Variants in UNC5D observed in about 807,000 individuals in gnomAD.
UNC5D encodes the protein unc-5 netrin receptor D, also known as netrin receptor UNC5D.
Under a neutral mutation model 105.4 loss-of-function variants are expected in UNC5D, and 39 were observed. The ratio of observed to expected loss-of-function variants is 0.37; its 90% CI spans 0.29 to 0.48. The LOEUF is 0.48. Ranked by LOEUF, UNC5D falls within the 20% of genes least tolerant of loss-of-function variation. The pLI, the probability that UNC5D is intolerant of heterozygous loss-of-function variation, is 0.98. For missense variants in UNC5D, 991 were observed against 1,202.4 expected (o/e 0.82, Z 2.60); for synonymous variants, 452 against 450.4 (o/e 1.00, Z -0.04).
intron 7 of UNC5D, among the ~76,000 whole-genome samples, chr8:35,700,544 AATC>A (rs1321211664): frequency 3.9e-5 from 6 of 152,216 alleles, no homozygotes; most frequent in African/African-American, 1.4e-4. Context: ...CAAATGGAGT[AATC>A]ACCAGAGATT....
chr8:35,595,592 G>A lies in UNC5D; in HGVS notation c.505G>A (p.Glu169Lys). ...CTTTGAACAAGACCCACAAGGAAGGGAAGTTCCCATTGAAGGCATGATTGT... is the reference window on the plus strand; with the variant it reads ...CTTTGAACAAGACCCACAAGGAAGGAAAGTTCCCATTGAAGGCATGATTGT... The part of the protein sequence containing the change: ...KNFEQDPQGR[E>K]VPIEGMIVLH... The change falls in exon 4 of 17, where the codon GAA (glutamate) becomes AAA (lysine). Residue 169 changes from glutamate to lysine, a missense_variant. By Grantham distance (56) the Glu-to-Lys change is moderately conservative. Transcript: ENST00000404895. 6.2e-7 allele frequency: 1 copy of A among 1,614,112 alleles called. No homozygotes were observed. Among genetic ancestry groups the A allele is most frequent in the Non-Finnish European group, 8.5e-7 (1 of 1,179,982 alleles).
chr8:35,255,602 T>C (rs1416484933), intron 1 of UNC5D: 2 of 152,206 alleles, frequency 1.3e-5, no homozygotes. Context: ...TAGATTTGTC[T>C]CAGCATCAGA....
chr8:35,733,985 A>ATT (rs796178732), intron 11 of UNC5D, among the ~76,000 whole-genome samples: 4 of 148,290 alleles, frequency 2.7e-5, no homozygotes, highest in African/African-American at 7.4e-5. Flanking sequence ...AAACCCAGTG[A>ATT]TTTTTTTTTT....
intron 1 of UNC5D, among the ~76,000 whole-genome samples, chr8:35,363,176 G>A (rs929348748): frequency 6.6e-6 from 1 of 152,054 alleles, no homozygotes; most frequent in Non-Finnish European, 1.5e-5. Flanking sequence ...CCCGAGACTG[G>A]GCAATTTAGA....
intron 8 of UNC5D, among the ~76,000 whole-genome samples, chr8:35,715,496 G>A (rs1563697759): frequency 6.6e-6 from 1 of 152,140 alleles, no homozygotes; most frequent in Non-Finnish European, 1.5e-5. Context: ...ACAGTACAGT[G>A]TTAACTGATT....
At chr8:35,317,593 G>A (rs1052511372) in intron 1 of UNC5D, among the ~76,000 whole-genome samples, 37 of 152,020 alleles carry the variant, frequency 2.4e-4, no homozygotes, top group Non-Finnish European at 3.7e-4. Flanking sequence ...ACAATGAGAC[G>A]TGATAATCAG....
At chr8:35,784,135 G>GAT (rs1370701762) in intron 16 of UNC5D, among the ~76,000 whole-genome samples, 1 of 152,092 alleles carries the variant, frequency 6.6e-6, no homozygotes, top group Non-Finnish European at 1.5e-5. Flanking sequence ...TGAAGCCAAG[G>GAT]GATGGTGATA....
chr8:35,506,047 TG>T (rs1286142632), intron 1 of UNC5D, among the ~76,000 whole-genome samples: 2 of 152,212 alleles, frequency 1.3e-5, no homozygotes, highest in Non-Finnish European at 2.9e-5. Context: ...AAGCTTGAAG[TG>T]GTGGGAAAAA....
intron 1 of UNC5D, among the ~76,000 whole-genome samples, chr8:35,517,067 G>A (rs920306232): frequency 2.0e-5 from 3 of 152,146 alleles, no homozygotes; most frequent in African/African-American, 7.2e-5. Flanking sequence ...AGTTTTTAAA[G>A]CACTGATTGA....
chr8:35,451,937 A>G (rs772755307), intron 1 of UNC5D, among the ~76,000 whole-genome samples: 33 of 152,112 alleles, frequency 2.2e-4, no homozygotes, highest in Non-Finnish European at 4.7e-4. Context: ...GAAGCCCCTA[A>G]CACTTCCTCT....
intron 4 of UNC5D, among the ~76,000 whole-genome samples, chr8:35,656,313 A>G (rs1823731185): frequency 6.6e-6 from 1 of 152,238 alleles, no homozygotes; most frequent in Non-Finnish European, 1.5e-5. Context: ...TCAATAGGAC[A>G]CACTGTATTT....
chr8:35,629,703 CAT>C (rs1482481420), intron 4 of UNC5D, among the ~76,000 whole-genome samples: 1 of 152,168 alleles, frequency 6.6e-6, no homozygotes, highest in Non-Finnish European at 1.5e-5. Flanking sequence ...ATTTAAAAAA[CAT>C]AGATGAATTC....
intron 1 of UNC5D, among the ~76,000 whole-genome samples, chr8:35,396,849 T>C (rs1181644523): frequency 3.3e-5 from 5 of 151,258 alleles, no homozygotes; most frequent in Non-Finnish European, 5.9e-5. Flanking sequence ...CATGTGAAGT[T>C]TTGTTATATG....
At chr8:35,625,341 T>A (rs1821644182) in intron 4 of UNC5D, among the ~76,000 whole-genome samples, 1 of 152,256 alleles carries the variant, frequency 6.6e-6, no homozygotes, top group Non-Finnish European at 1.5e-5. Flanking sequence ...GATATCTACA[T>A]AAACTCTGAT....
chr8:35,556,545 A>G (rs563723195), intron 2 of UNC5D, among the ~76,000 whole-genome samples: 1 of 152,338 alleles, frequency 6.6e-6, no homozygotes, highest in African/African-American at 2.4e-5. Context: ...CTGAAAGTAC[A>G]GCTACTCCAT....
At chr8:35,345,664 TA>T (rs1247025589) in intron 1 of UNC5D, among the ~76,000 whole-genome samples, 2 of 152,092 alleles carry the variant, frequency 1.3e-5, no homozygotes, top group Non-Finnish European at 2.9e-5. Context: ...GACTTTGCTA[TA>T]AACTTTTATT....
chr8:35,755,638 G>A (rs1830484520), intron 13 of UNC5D, among the ~76,000 whole-genome samples: 2 of 152,058 alleles, frequency 1.3e-5, no homozygotes, highest in South Asian at 4.1e-4. Flanking sequence ...AGTTTTTCCT[G>A]GCCACAGCTT....
chr8:35,724,421 C>T, intron 9 of UNC5D: 1 of 1,013,880 alleles, frequency 9.9e-7, no homozygotes. Context: ...AAGGTGAACA[C>T]TGAGCCTTTT....
chr8:35,270,278 C>A lies in UNC5D; in HGVS notation c.103+34391C>A, dbSNP rs143481435. ...TCATTATGTGGTAAGCAGTCGATTT[C>A]TTGGGCTTTCGATAGAAGATTGCAT... is the stretch of plus-strand genomic sequence containing the variant. On this transcript the variant is annotated intron_variant, in intron 1 of 16. Coordinates refer to ENST00000404895, the MANE Select transcript of UNC5D (RefSeq NM_080872.4). 2.1e-3 allele frequency among the ~76,000 whole-genome samples: 322 copies of A among 152,252 alleles called. 1 individual carries two copies. Among genetic ancestry groups the A allele is most frequent in the Admixed American group, 5.0e-3 (77 of 15,288 alleles).
Sources: gnomAD v4.1 joint callset for allele counts (sites outside exome capture counted in the v4.1 genomes callset) on GRCh38, gnomAD v4.1.1 for gene constraint, MANE v1.5 for transcripts, NCBI Gene and HGNC (gene_info 2026-07-23, HGNC 2026-07-21) for gene names.